The following NPC1 variants were observed in gnomAD, a reference collection of about 807,000 sequenced individuals.
NPC1 encodes the protein Niemann-Pick C1 protein.
NPC1 carries 85 observed loss-of-function variants against 140.4 expected under a neutral mutation model. The ratio of observed to expected loss-of-function variants is 0.61; its 90% CI spans 0.51 to 0.72. The LOEUF (loss-of-function observed/expected upper bound fraction) is 0.72, where lower values mean the gene tolerates loss of function less well. NPC1 is among the 30% of genes least tolerant of loss of function. The probability of loss-of-function intolerance (pLI) is 0.00; values close to 1 mark genes in which losing one functional copy is unlikely to be tolerated. For synonymous variants in NPC1, 656 were observed against 624.8 expected, an observed-to-expected ratio of 1.05 and a Z score of -0.74; for missense variants, 1,504 against 1,623.8, an observed-to-expected ratio of 0.93 and a Z score of 1.27.
intron 1 of NPC1, 56 bp downstream of exon 1, chr18:23,586,231 G>A (rs1349473533): frequency 8.6e-6 from 13 of 1,518,048 alleles, no homozygotes; most frequent in Non-Finnish European, 7.0e-6. Context: ...CGCCTTCCCC[G>A]GCTCTCGGCC....
At chr18:23,571,530 G>T (rs2059203060) in intron 3 of NPC1, among the ~76,000 whole-genome samples, 2 of 152,068 alleles carry the variant, frequency 1.3e-5, no homozygotes, top group South Asian at 4.1e-4. Flanking sequence ...GGTGGCATGT[G>T]CCTGCAGTCC....
intron 4 of NPC1, 75 bp from the exon 5 acceptor site, chr18:23,561,602 C>T (rs912248319): frequency 2.0e-6 from 3 of 1,478,286 alleles, no homozygotes; most frequent in Non-Finnish European, 1.9e-6. Context: ...TTACAAAAGG[C>T]CTCTTGAAGG....
intron 17 of NPC1, 89 bp from the exon 18 acceptor site, chr18:23,540,090 A>T: frequency 8.5e-7 from 1 of 1,180,216 alleles, no homozygotes; most frequent in Non-Finnish European, 1.2e-6. Flanking sequence ...AGAGGGTGCC[A>T]GGAGGTTCCT....
intron 1 of NPC1, among the ~76,000 whole-genome samples, chr18:23,584,266 G>A (rs2059389188): frequency 6.6e-6 from 1 of 152,158 alleles, no homozygotes; most frequent in African/African-American, 2.4e-5. Flanking sequence ...TCAGACTGAA[G>A]CTAATGAGCT....
chr18:23,530,245 C>G, downstream of NPC1: 1 of 1,614,210 alleles, frequency 6.2e-7, no homozygotes, highest in African/African-American at 1.3e-5. Flanking sequence ...CTGCTGTTAT[C>G]CCTAGAGAGT....
intron 5 of NPC1, 96 bp downstream of exon 5, chr18:23,561,264 A>C: frequency 3.1e-6 from 4 of 1,275,878 alleles, no homozygotes; most frequent in Non-Finnish European, 4.6e-6. Flanking sequence ...CTCTTGCCTC[A>C]GTCTCCCCAA....
chr18:23,572,048 T>C (rs1171226638), intron 3 of NPC1, 26 bp downstream of exon 3: 1 of 1,472,450 alleles, frequency 6.8e-7, no homozygotes, highest in South Asian at 1.1e-5. Context: ...ACAGCCCAGT[T>C]GTTCTGTTTC....
chr18:23,533,319 T>C (rs750345793), intron 24 of NPC1, 36 bp downstream of exon 24: 6 of 1,591,330 alleles, frequency 3.8e-6, no homozygotes, highest in South Asian at 1.1e-5. Context: ...GTAATGTCCT[T>C]CTATTGTGCC....
intron 3 of NPC1, chr18:23,506,933 G>C: frequency 7.2e-7 from 1 of 1,391,358 alleles, no homozygotes; most frequent in Non-Finnish European, 1.0e-6. Context: ...GCTAGAATTC[G>C]GTTATTTAAC....
chr18:23,508,543 A>G (rs2057770100), intron 3 of NPC1: 1 of 152,516 alleles, frequency 6.6e-6, no homozygotes, highest in Non-Finnish European at 1.5e-5. Context: ...ACTAGGCTAG[A>G]GGGAGCTGAG....
At position 23,534,227 on chromosome 18, in the gene NPC1, T is replaced by C. The variant is rs1598934260; in HGVS notation, c.3591+219A>G. ...ATGTTTAACTTGTCTGTTATTTTCC[T>C]GCTTCAGCACACTGCCACCTAAAAA... is the stretch of plus-strand genomic sequence containing the variant. On this transcript the variant is annotated intron_variant, in intron 23 of 24. Coordinates refer to ENST00000269228, the MANE Select transcript of NPC1 (RefSeq NM_000271.5). 9 of 615,236 alleles carry C rather than the reference T, an allele frequency of 1.5e-5. No individual in the cohort carries two copies. The East Asian group carries it at 1.9e-4, about 13-fold the overall frequency. The allele number at this position is 615,236 out of a possible 1,614,324, so 38.1% of individuals were successfully genotyped here. A position where few individuals can be genotyped will look rare whatever the true frequency, so the allele number is the denominator to read the frequency against.
At chr18:23,572,237 A>C in intron 2 of NPC1, 57 bp from the exon 3 acceptor site, 1 of 1,161,674 alleles carries the variant, frequency 8.6e-7, no homozygotes, top group Non-Finnish European at 1.3e-6. Flanking sequence ...TAAGGTCAAC[A>C]TTCCTCAGTG....
At chr18:23,529,118 T>C, downstream of NPC1, 4 of 1,574,866 alleles carry the variant, frequency 2.5e-6, no homozygotes, top group South Asian at 3.5e-5. Flanking sequence ...GTGGATGAAC[T>C]GTAAACAGCA....
chr18:23,539,058 C>G (rs1479304591), intron 19 of NPC1: 2 of 469,250 alleles, frequency 4.3e-6, no homozygotes, highest in Non-Finnish European at 7.8e-6. Context: ...GAAGCTAAGG[C>G]CAGATACCAA....
intron 21 of NPC1, 129 bp from the exon 22 acceptor site, chr18:23,535,829 G>T (rs1402695602): frequency 1.4e-6 from 1 of 731,822 alleles, no homozygotes; most frequent in African/African-American, 1.7e-5. Flanking sequence ...CTTGCTGGCT[G>T]TCTACAAGAC....
chr18:23,547,989 A>C lies in NPC1; in HGVS notation c.1757+17T>G, dbSNP rs1397480457. ...CACAATGCAAGGACAGTCTGCTCAC[A>C]CCCATGAGTGACTCACTCTTTTTCC... is the stretch of plus-strand genomic sequence containing the variant. On this transcript the variant is annotated intron_variant, in intron 11 of 24. Transcript: ENST00000269228. The C allele has an allele frequency of 9.3e-6, 13 of 1,394,108 alleles. No homozygotes were observed. The highest frequency in any genetic ancestry group is 1.3e-5 in the Non-Finnish European group (13 of 979,346). 86.4% of individuals were successfully genotyped at this position (1,394,108 alleles called of 1,614,324 possible).
intron 1 of NPC1, among the ~76,000 whole-genome samples, chr18:23,574,888 T>C (rs915809648): frequency 1.3e-5 from 2 of 152,102 alleles, no homozygotes; most frequent in Non-Finnish European, 2.9e-5. Flanking sequence ...CCGGTGATTC[T>C]AAGGAAAAAA....
At chr18:23,514,216 G>A (rs772669735) in intron 3 of NPC1, among the ~76,000 whole-genome samples, 2 of 152,128 alleles carry the variant, frequency 1.3e-5, no homozygotes, top group African/African-American at 4.8e-5. Flanking sequence ...GGCCATCATC[G>A]AAATCTTAGT....
intron 9 of NPC1, among the ~76,000 whole-genome samples, chr18:23,552,716 G>C (rs1254621106): frequency 6.6e-6 from 1 of 152,210 alleles, no homozygotes; most frequent in Non-Finnish European, 1.5e-5. Flanking sequence ...GTGCTGAGAA[G>C]CTTCTGCATA....
Sources: allele counts gnomAD v4.1 joint callset (sites outside exome capture counted in the v4.1 genomes callset), GRCh38; gene constraint gnomAD v4.1.1; transcripts MANE v1.5; gene names NCBI Gene and HGNC (gene_info 2026-07-23, HGNC 2026-07-21).